Variants in SDK1 observed in about 807,000 individuals in gnomAD.
SDK1 encodes sidekick cell adhesion molecule 1.
In SDK1, 157 loss-of-function variants were observed where a neutral mutation model predicts 245.5. The observed-to-expected ratio is 0.64, with a 90% CI of 0.56 to 0.73. The LOEUF is 0.73. Ranked by LOEUF, SDK1 falls within the 30% of genes least tolerant of loss-of-function variation. The pLI is 0.00. For synonymous variants in SDK1, 1,647 were observed against 1,278.5 expected (o/e 1.29, Z -6.15); for missense variants, 3,583 against 3,002.3 (o/e 1.19, Z -4.52).
chr7:3,720,891 C>G (rs1037212060), intron 4 of SDK1, among the ~76,000 whole-genome samples: 1 of 152,204 alleles, frequency 6.6e-6, no homozygotes, highest in African/African-American at 2.4e-5. Flanking sequence ...GTAGTACTTC[C>G]ATTCCATCAC....
At chr7:3,335,556 G>A (rs1306570243) in intron 1 of SDK1, among the ~76,000 whole-genome samples, 1 of 152,062 alleles carries the variant, frequency 6.6e-6, no homozygotes, top group Admixed American at 6.5e-5. Flanking sequence ...ATGGGGACAG[G>A]GAAATTATTC....
chr7:4,194,058 A>G (rs553748247), intron 35 of SDK1, among the ~76,000 whole-genome samples: 2 of 152,152 alleles, frequency 1.3e-5, no homozygotes, highest in South Asian at 2.1e-4. Context: ...GGATCTAATC[A>G]TATTAAGCAG....
At chr7:3,511,058 G>GA (rs774649085) in intron 1 of SDK1, among the ~76,000 whole-genome samples, 11 of 152,184 alleles carry the variant, frequency 7.2e-5, no homozygotes, top group Non-Finnish European at 1.3e-4. Flanking sequence ...GACAAATGGT[G>GA]ACAGTGGCTT....
chr7:3,393,446 T>G (rs1781812434), intron 1 of SDK1, among the ~76,000 whole-genome samples: 2 of 152,186 alleles, frequency 1.3e-5, no homozygotes, highest in Admixed American at 6.5e-5. Flanking sequence ...TGCCAACATG[T>G]TATTTTTAAT....
At chr7:3,492,878 C>G (rs1781906284) in intron 1 of SDK1, among the ~76,000 whole-genome samples, 1 of 152,230 alleles carries the variant, frequency 6.6e-6, no homozygotes, top group Non-Finnish European at 1.5e-5. Context: ...TAAGAAAACA[C>G]TAGGCATTTG....
chr7:3,699,262 A>T (rs1214408854), intron 4 of SDK1, among the ~76,000 whole-genome samples: 1 of 152,220 alleles, frequency 6.6e-6, no homozygotes, highest in Non-Finnish European at 1.5e-5. Context: ...CTCAACTTGA[A>T]TGAGGAAAGA....
rs781554069 is a variant in SDK1, at chr7:3,399,607, C to T, written c.298+97723C>T. ...CCTGTTGATAAGGCTGCTGTTACTT[C>T]GTATAGTGACTTCTCTGGACTAATC... On this transcript the variant is annotated intron_variant, in intron 1 of 44. Coordinates refer to ENST00000404826, the MANE Select transcript of SDK1 (RefSeq NM_152744.4). Among the ~76,000 whole-genome samples the T allele has an allele frequency of 3.4e-4, 52 of 152,216 alleles. 1 individual carries two copies. Among genetic ancestry groups the T allele is most frequent in the Admixed American group, 7.8e-4 (12 of 15,290 alleles).
intron 1 of SDK1, among the ~76,000 whole-genome samples, chr7:3,404,862 T>C (rs2128574971): frequency 6.6e-6 from 1 of 152,306 alleles, no homozygotes; most frequent in East Asian, 1.9e-4. Context: ...TAATGTAATG[T>C]TAATTTTGTG....
At chr7:3,885,173 T>C (rs1307045918) in intron 5 of SDK1, among the ~76,000 whole-genome samples, 1 of 152,048 alleles carries the variant, frequency 6.6e-6, no homozygotes, top group East Asian at 1.9e-4. Flanking sequence ...GGGCTGTGGG[T>C]CCGAGAGGCC....
intron 1 of SDK1, among the ~76,000 whole-genome samples, chr7:3,500,105 AG>A (rs763908335): frequency 3.3e-5 from 5 of 152,064 alleles, no homozygotes; most frequent in African/African-American, 9.6e-5. Context: ...AGTGGGGTTT[AG>A]GGGGGGTCTG....
At chr7:3,853,368 G>C (rs562254002) in intron 5 of SDK1, among the ~76,000 whole-genome samples, 8 of 152,178 alleles carry the variant, frequency 5.3e-5, no homozygotes, top group East Asian at 1.9e-4. Flanking sequence ...TGTCCTCAAG[G>C]ATGTCACAAT....
chr7:3,695,000 T>A (rs1204275039), intron 4 of SDK1, among the ~76,000 whole-genome samples: 1 of 152,222 alleles, frequency 6.6e-6, no homozygotes, highest in Non-Finnish European at 1.5e-5. Context: ...AGGATAGAAA[T>A]GCTTTCCCAG....
At chr7:3,540,600 G>C (rs1017696006) in intron 1 of SDK1, among the ~76,000 whole-genome samples, 13 of 152,282 alleles carry the variant, frequency 8.5e-5, no homozygotes, top group Admixed American at 6.5e-4. Flanking sequence ...ATGTGCTATG[G>C]GGAAGTCAGA....
intron 5 of SDK1, among the ~76,000 whole-genome samples, chr7:3,924,849 G>A (rs1284452289): frequency 6.6e-6 from 1 of 152,156 alleles, no homozygotes; most frequent in Non-Finnish European, 1.5e-5. Context: ...TGACAGAGGT[G>A]AGGGGTCTGC....
chr7:3,558,086 C>T (rs1404691069), intron 1 of SDK1, among the ~76,000 whole-genome samples: 5 of 150,706 alleles, frequency 3.3e-5, no homozygotes, highest in African/African-American at 9.8e-5. Context: ...TTAGATGCCA[C>T]GTGGCATGCG....
intron 14 of SDK1, among the ~76,000 whole-genome samples, chr7:3,992,410 G>T (rs1282031413): frequency 1.3e-5 from 2 of 152,184 alleles, no homozygotes; most frequent in Admixed American, 6.5e-5. Flanking sequence ...TCAGAGAGGG[G>T]CAGTAGTGTC....
intron 17 of SDK1, among the ~76,000 whole-genome samples, chr7:4,024,069 T>C (rs974899086): frequency 1.3e-5 from 2 of 152,248 alleles, no homozygotes; most frequent in Non-Finnish European, 2.9e-5. Context: ...TTTTCTGGTT[T>C]TATTTCTTTA....
At chr7:3,631,958 T>G (rs1033440481) in intron 2 of SDK1, among the ~76,000 whole-genome samples, 5 of 152,178 alleles carry the variant, frequency 3.3e-5, no homozygotes, top group Admixed American at 6.5e-5. Flanking sequence ...CCATTATGCG[T>G]TGGAATGGAT....
intron 35 of SDK1, among the ~76,000 whole-genome samples, chr7:4,193,222 T>C (rs935858155): frequency 7.7e-6 from 1 of 130,118 alleles, no homozygotes; most frequent in Non-Finnish European, 1.6e-5. Context: ...ATATATATTG[T>C]ATATTAATTG....
Sources: allele counts gnomAD v4.1 joint callset (sites outside exome capture counted in the v4.1 genomes callset), GRCh38; gene constraint gnomAD v4.1.1; transcripts MANE v1.5; gene names NCBI Gene and HGNC (gene_info 2026-07-23, HGNC 2026-07-21).